STRBP: variants seen among roughly 807,000 people sequenced by gnomAD.
STRBP encodes the protein spermatid perinuclear RNA-binding protein.
In STRBP, 13 loss-of-function variants were observed where a neutral mutation model predicts 80.1. The observed-to-expected ratio is 0.16, with a 90% CI of 0.11 to 0.26. STRBP has a LOEUF of 0.26. Among genes scored for constraint, STRBP ranks in the 10% least tolerant of loss-of-function variants. The pLI, the probability that STRBP is intolerant of heterozygous loss-of-function variation, is 1.00. For synonymous variants in STRBP, 284 were observed against 291.2 expected (o/e 0.98, Z 0.25); for missense variants, 485 against 815.2 (o/e 0.59, Z 4.93).
chr9:123,187,456 C>T (rs1398644040), intron 2 of STRBP, among the ~76,000 whole-genome samples: 1 of 151,968 alleles, frequency 6.6e-6, no homozygotes. Flanking sequence ...ATAGTATACA[C>T]CCAATAAATG....
chr9:123,124,026 AAGG>A lies in STRBP; in HGVS notation c.*1568_*1570del. ...CCACCACTAATAAAGACAAAAGACC[AAGG>A]AGAAGAAACAAACTAATCATTGTGT... On this transcript the variant is annotated 3_prime_UTR_variant, in exon 19 of 19. Transcript: ENST00000348403. The A allele has an allele frequency of 1.0e-6, 1 of 985,446 alleles. No homozygotes were observed. Among genetic ancestry groups the A allele is most frequent in the Non-Finnish European group, 1.2e-6 (1 of 829,932 alleles). 61.0% of individuals were successfully genotyped at this position (985,446 alleles called of 1,614,324 possible). A position where few individuals can be genotyped will look rare whatever the true frequency, so the allele number is the denominator to read the frequency against.
At chr9:123,251,200 TTTTC>T (rs747153388) in intron 1 of STRBP, among the ~76,000 whole-genome samples, 30 of 151,598 alleles carry the variant, frequency 2.0e-4, no homozygotes, top group Non-Finnish European at 3.8e-4. Flanking sequence ...TTTTCTTTTC[TTTTC>T]TTTCTTTCTT....
At position 123,179,068 on chromosome 9, in the gene STRBP, C is replaced by T; in HGVS notation, c.163G>A (p.Gly55Ser). The stretch of plus-strand genomic sequence containing the variant: ...TCTGTCTCACCCTCTGTTTTTGTGC[C>T]TTTATTTGTTTCATCCAACCAATCT... ...VSDWLDETNK[G>S]TKTEGETEVK... Residue 55 changes from glycine to serine, a missense_variant, in exon 4 of 19, where the codon GGC (glycine) becomes AGC (serine). This residue lies in a region of STRBP where 377 missense variants were observed against 616.1 expected (regional missense o/e 0.61). Coordinates refer to ENST00000348403, the MANE Select transcript of STRBP (RefSeq NM_018387.5). 1 of 1,614,112 alleles carries T rather than the reference C, an allele frequency of 6.2e-7. No homozygotes were observed. Among genetic ancestry groups the T allele is most frequent in the Non-Finnish European group, 8.5e-7 (1 of 1,180,004 alleles).
chr9:123,159,153 C>A lies in STRBP; in HGVS notation c.778G>T (p.Ala260Ser), dbSNP rs770270339. Residue 260 changes from alanine to serine, a missense_variant, in exon 9 of 19, where the codon GCT becomes TCT. Physicochemically the swap from Ala to Ser is moderately conservative, Grantham distance 99 (BLOSUM62 1). Coordinates refer to ENST00000348403, the MANE Select transcript of STRBP (RefSeq NM_018387.5). ...ATTACTCGTCTCAAGGCCTCCCCAGCGCCCAAAGGTCTATTACAAGTACCT... is the reference window on the plus strand; with the variant it reads ...ATTACTCGTCTCAAGGCCTCCCCAGAGCCCAAAGGTCTATTACAAGTACCT... ...SIGTCNRPLG[A>S]GEALRRVMEC... The A allele has an allele frequency of 1.2e-6, 2 of 1,613,496 alleles. No individual in the cohort carries two copies.
chr9:123,253,135 C>T (rs1273784859), intron 1 of STRBP, among the ~76,000 whole-genome samples: 2 of 152,028 alleles, frequency 1.3e-5, no homozygotes, highest in Non-Finnish European at 2.9e-5. Context: ...TCAGACTAAA[C>T]CACTCAAGCA....
At chr9:123,225,457 C>G (rs2040205208) in intron 2 of STRBP, among the ~76,000 whole-genome samples, 1 of 152,178 alleles carries the variant, frequency 6.6e-6, no homozygotes, top group South Asian at 2.1e-4. Flanking sequence ...CGTGTTATTT[C>G]CTTTTTCAGC....
chr9:123,177,901 T>C (rs181800871), intron 4 of STRBP, among the ~76,000 whole-genome samples: 190 of 152,300 alleles, frequency 1.2e-3, no homozygotes, highest in African/African-American at 4.4e-3. Context: ...CTGAGATACA[T>C]ATAGAACTAA....
At chr9:123,193,574 A>T (rs2038997671) in intron 2 of STRBP, among the ~76,000 whole-genome samples, 1 of 152,110 alleles carries the variant, frequency 6.6e-6, no homozygotes, top group African/African-American at 2.4e-5. Context: ...AACCGCAGAG[A>T]TGACCCTTCT....
chr9:123,171,724 T>C (rs2038018306), intron 5 of STRBP, among the ~76,000 whole-genome samples: 1 of 152,216 alleles, frequency 6.6e-6, no homozygotes, highest in African/African-American at 2.4e-5. Context: ...AATTGAAAGA[T>C]ACTTCTCCTA....
intron 5 of STRBP, 41 bp downstream of exon 5, chr9:123,173,636 T>G: frequency 6.4e-7 from 1 of 1,561,292 alleles, no homozygotes; most frequent in Non-Finnish European, 8.6e-7. Context: ...TATTTCACCT[T>G]TTTACAAATT....
intron 2 of STRBP, among the ~76,000 whole-genome samples, chr9:123,215,008 C>CTTAGGCAAGCATGTAACTAAG (rs1564307858): frequency 6.6e-6 from 1 of 151,848 alleles, no homozygotes; most frequent in Non-Finnish European, 1.5e-5. Context: ...GGGTTATGGT[C>CTTAGGCAAGCATGTAACTAAG]TTAGGCAAGC....
intron 13 of STRBP, among the ~76,000 whole-genome samples, chr9:123,140,742 C>T (rs770717746): frequency 4.6e-5 from 7 of 152,300 alleles, no homozygotes; most frequent in Admixed American, 6.5e-5. Flanking sequence ...CTACCTCCAA[C>T]GTTCAAACTT....
intron 2 of STRBP, among the ~76,000 whole-genome samples, chr9:123,227,261 C>A (rs2040264959): frequency 6.6e-6 from 1 of 152,074 alleles, no homozygotes; most frequent in Admixed American, 6.5e-5. Flanking sequence ...TTAAAGGTAA[C>A]CAGGGTAAGC....
chr9:123,128,370 A>G, intron 17 of STRBP, 112 bp from the exon 18 acceptor site: 1 of 1,181,436 alleles, frequency 8.5e-7, no homozygotes, highest in Non-Finnish European at 1.3e-6. Context: ...CTTCTTCCAG[A>G]TGTTGGATGA....
chr9:123,242,382 G>A (rs2040713381), intron 1 of STRBP, among the ~76,000 whole-genome samples: 1 of 152,308 alleles, frequency 6.6e-6, no homozygotes, highest in East Asian at 1.9e-4. Context: ...TGAATAGCCA[G>A]GCACGGTGGC....
intron 2 of STRBP, among the ~76,000 whole-genome samples, chr9:123,214,724 T>C (rs2039835311): frequency 6.6e-6 from 1 of 152,150 alleles, no homozygotes; most frequent in Non-Finnish European, 1.5e-5. Context: ...CAAGTTTTAT[T>C]TCCTCTCAGA....
At chr9:123,183,935 C>T (rs184237463) in intron 3 of STRBP, among the ~76,000 whole-genome samples, 197 bp downstream of exon 3, 14 of 152,222 alleles carry the variant, frequency 9.2e-5, no homozygotes, top group Admixed American at 8.5e-4. Context: ...GCTCATGAGG[C>T]CCTACCTTGT....
At chr9:123,168,927 C>G (rs1564259680) in intron 6 of STRBP, among the ~76,000 whole-genome samples, 2 of 152,200 alleles carry the variant, frequency 1.3e-5, no homozygotes, top group African/African-American at 2.4e-5. Context: ...CGCTGCCAGA[C>G]AGCAATTCTT....
intron 11 of STRBP, among the ~76,000 whole-genome samples, chr9:123,152,410 C>T (rs114405917): frequency 0.017 from 2,519 of 151,994 alleles, 76 homozygotes; most frequent in African/African-American, 0.058. Context: ...TAAATATACA[C>T]ACGTGTATAT....
Sources: allele counts gnomAD v4.1 joint callset (sites outside exome capture counted in the v4.1 genomes callset), GRCh38; gene constraint gnomAD v4.1.1; regional missense constraint gnomAD v4.1.1; transcripts MANE v1.5; gene names NCBI Gene and HGNC (gene_info 2026-07-23, HGNC 2026-07-21).